GSK3B: variants seen among roughly 807,000 people sequenced by gnomAD.
The protein encoded by GSK3B is glycogen synthase kinase-3 beta.
In GSK3B, 15 loss-of-function variants were observed where a neutral mutation model predicts 56.4. That is an observed-to-expected ratio of 0.27 (90% confidence interval 0.18 to 0.41). GSK3B has a LOEUF of 0.41. Among genes scored for constraint, GSK3B ranks in the 10% least tolerant of loss-of-function variants. The pLI is 1.00. For synonymous variants in GSK3B, 181 were observed against 188.9 expected (o/e 0.96, Z 0.34); for missense variants, 300 against 513.4 (o/e 0.58, Z 4.02).
intron 9 of GSK3B, among the ~76,000 whole-genome samples, chr3:119,847,374 G>C (rs1162461204): frequency 1.3e-5 from 2 of 152,182 alleles, no homozygotes; most frequent in Non-Finnish European, 2.9e-5. Flanking sequence ...CAGGTACTTG[G>C]GAGGCTGAGG....
At chr3:119,835,760 A>G (rs1260951141) in intron 10 of GSK3B, among the ~76,000 whole-genome samples, 1 of 152,186 alleles carries the variant, frequency 6.6e-6, no homozygotes, top group Admixed American at 6.5e-5. Context: ...ACAAGTTTAC[A>G]AAGAGGAACA....
chr3:119,949,596 T>G lies in GSK3B; in HGVS notation c.283-2245A>C, dbSNP rs77892878. ...AGAGGCAGGCAGGCACAAGATCATA[T>G]AAACCTTCATCAAACATGGTAAGAA... On this transcript the variant is annotated intron_variant, in intron 2 of 10. Transcript: ENST00000264235. 5.0e-3 allele frequency among the ~76,000 whole-genome samples: 768 copies of G among 152,222 alleles called. 12 individuals carry two copies. Among genetic ancestry groups the G allele is most frequent in the African/African-American group, 0.018 (747 of 41,542 alleles).
intron 1 of GSK3B, among the ~76,000 whole-genome samples, chr3:120,033,207 C>T (rs2057992858): frequency 6.6e-6 from 1 of 152,132 alleles, no homozygotes; most frequent in South Asian, 2.1e-4. Flanking sequence ...CAGTAATAAT[C>T]CATTTATGGA....
intron 1 of GSK3B, among the ~76,000 whole-genome samples, chr3:120,003,317 G>A (rs2057696291): frequency 6.6e-6 from 1 of 152,120 alleles, no homozygotes; most frequent in Non-Finnish European, 1.5e-5. Flanking sequence ...TCACCATCTT[G>A]TTTTCTGAAT....
intron 8 of GSK3B, among the ~76,000 whole-genome samples, chr3:119,866,288 C>G (rs1245538066): frequency 6.6e-6 from 1 of 152,106 alleles, no homozygotes; most frequent in Non-Finnish European, 1.5e-5. Flanking sequence ...GCTTAACACT[C>G]AGACCTTTGG....
At chr3:120,010,557 A>C (rs961341348) in intron 1 of GSK3B, among the ~76,000 whole-genome samples, 3 of 152,346 alleles carry the variant, frequency 2.0e-5, no homozygotes, top group Non-Finnish European at 4.4e-5. Flanking sequence ...CACCAAAAAA[A>C]GATTTCGAGG....
chr3:119,979,897 C>A (rs566213934), intron 2 of GSK3B, among the ~76,000 whole-genome samples: 1 of 152,138 alleles, frequency 6.6e-6, no homozygotes, highest in Non-Finnish European at 1.5e-5. Context: ...TCCAGCTATA[C>A]CTGTTTATTA....
At chr3:119,915,367 T>C (rs1283855161) in intron 5 of GSK3B, among the ~76,000 whole-genome samples, 1 of 152,048 alleles carries the variant, frequency 6.6e-6, no homozygotes, top group Non-Finnish European at 1.5e-5. Flanking sequence ...TAGTTCTTAC[T>C]GAAAAAGGAG....
At chr3:119,926,704 C>T (rs944435783) in intron 3 of GSK3B, among the ~76,000 whole-genome samples, 1 of 152,166 alleles carries the variant, frequency 6.6e-6, no homozygotes, top group Non-Finnish European at 1.5e-5. Flanking sequence ...CAAGCTACTT[C>T]CCTGCTATTT....
At chr3:119,979,565 T>C (rs1298189154) in intron 2 of GSK3B, among the ~76,000 whole-genome samples, 2 of 152,218 alleles carry the variant, frequency 1.3e-5, no homozygotes, top group Non-Finnish European at 1.5e-5. Context: ...GCACTGCTCA[T>C]GTTCATGTCT....
intron 1 of GSK3B, among the ~76,000 whole-genome samples, chr3:120,066,801 T>C (rs1576306542): frequency 6.6e-6 from 1 of 152,318 alleles, no homozygotes; most frequent in East Asian, 1.9e-4. Flanking sequence ...CAGCTACAGA[T>C]AATACATAAA....
intron 3 of GSK3B, among the ~76,000 whole-genome samples, chr3:119,931,786 C>A (rs1375309702): frequency 6.6e-6 from 1 of 152,110 alleles, no homozygotes; most frequent in Non-Finnish European, 1.5e-5. Flanking sequence ...TGCCAGAAGT[C>A]CTTTGAAAGG....
chr3:120,020,356 C>A (rs2057865522), intron 1 of GSK3B, among the ~76,000 whole-genome samples: 1 of 152,124 alleles, frequency 6.6e-6, no homozygotes, highest in African/African-American at 2.4e-5. Flanking sequence ...TTGCACTTTG[C>A]AGAAATTATG....
chr3:119,929,176 AG>A (rs2056919277), intron 3 of GSK3B, among the ~76,000 whole-genome samples: 1 of 152,210 alleles, frequency 6.6e-6, no homozygotes, highest in Non-Finnish European at 1.5e-5. Context: ...AGAAACAATC[AG>A]TTCCCATTGT....
chr3:120,087,531 CAA>C (rs796814551), intron 1 of GSK3B, among the ~76,000 whole-genome samples: 3 of 126,306 alleles, frequency 2.4e-5, no homozygotes, highest in Non-Finnish European at 1.7e-5. Context: ...GACTCCATCT[CAA>C]AAAAAAAAAA....
At chr3:119,874,235 G>T (rs181991437) in intron 8 of GSK3B, among the ~76,000 whole-genome samples, 4 of 152,110 alleles carry the variant, frequency 2.6e-5, no homozygotes, top group Admixed American at 6.6e-5. Flanking sequence ...ATCTACAGGG[G>T]ATATGTCCCC....
Position 119,822,454 on chromosome 3 carries a change from T to C in GSK3B, c.*4334A>G, listed in dbSNP as rs2107986344. ...GTTAAGGAAAAAAAAACTTAAAAAT[T>C]AACACAAGGAAGTCTACTTTGTCAA... On this transcript the variant is annotated 3_prime_UTR_variant, in exon 11 of 11. Transcript: ENST00000264235. The C allele has an allele frequency of 9.0e-6, 2 of 222,218 alleles. No individual in the cohort carries two copies. The highest frequency in any genetic ancestry group is 1.8e-4 in the South Asian group (1 of 5,446). 13.8% of individuals were successfully genotyped at this position (222,218 alleles called of 1,614,324 possible).
intron 2 of GSK3B, among the ~76,000 whole-genome samples, chr3:119,997,796 T>C (rs1272890330): frequency 1.3e-5 from 2 of 152,284 alleles, no homozygotes; most frequent in East Asian, 3.9e-4. Flanking sequence ...AATGTATATA[T>C]GGTAACATAA....
rs1263643512 is a variant in GSK3B at position 119,930,123 on chromosome 3, A to ACACG, written c.367-6641_367-6640insCGTG. ...CACACACACACACACACACACACAC[A>ACACG]CGTGCGCATGCACACACACATTTAT... On this transcript the variant is annotated intron_variant, in intron 3 of 10. Transcript: ENST00000264235. Among the ~76,000 whole-genome samples, 156 of 137,084 alleles carry ACACG rather than the reference A, an allele frequency of 1.1e-3. 2 individuals are homozygous for ACACG. The highest frequency in any genetic ancestry group is 4.1e-3 in the Admixed American group (53 of 12,914). The allele number at this position is 137,084 out of a possible 152,430, so 89.9% of individuals were successfully genotyped here. A position where few individuals can be genotyped will look rare whatever the true frequency, so the allele number is the denominator to read the frequency against.
Sources: gnomAD v4.1 joint callset for allele counts (sites outside exome capture counted in the v4.1 genomes callset) on GRCh38, gnomAD v4.1.1 for gene constraint, MANE v1.5 for transcripts, NCBI Gene and HGNC (gene_info 2026-07-23, HGNC 2026-07-21) for gene names.